Variants in PRICKLE1 observed in about 807,000 individuals in gnomAD.
The protein encoded by PRICKLE1 is prickle planar cell polarity protein 1, also known as prickle-like protein 1.
Under a neutral mutation model 70.2 loss-of-function variants are expected in PRICKLE1, and 14 were observed. The ratio of observed to expected loss-of-function variants is 0.20; its 90% CI spans 0.13 to 0.31. The LOEUF (loss-of-function observed/expected upper bound fraction) is 0.31, where lower values mean the gene tolerates loss of function less well. Among genes scored for constraint, PRICKLE1 ranks in the 10% least tolerant of loss-of-function variants. The probability of loss-of-function intolerance (pLI) is 1.00; values close to 1 mark genes in which losing one functional copy is unlikely to be tolerated. For synonymous variants in PRICKLE1, 357 were observed against 379.9 expected (o/e 0.94, Z 0.70); for missense variants, 821 against 1,026.2 (o/e 0.80, Z 2.73).
At chr12:42,482,601 A>G (rs2140155947) in intron 1 of PRICKLE1, among the ~76,000 whole-genome samples, 1 of 152,346 alleles carries the variant, frequency 6.6e-6, no homozygotes, top group South Asian at 2.1e-4. Flanking sequence ...TGAAACTTAC[A>G]GCACCCATTT....
At chr12:42,534,728 T>C (rs1262905306) in intron 1 of PRICKLE1, among the ~76,000 whole-genome samples, 3 of 152,094 alleles carry the variant, frequency 2.0e-5, no homozygotes, top group African/African-American at 7.2e-5. Context: ...TACACCCAGA[T>C]GTTCATTACC....
In PRICKLE1 at chr12:42,460,558, A is replaced by G. The variant is rs138079613; in HGVS notation, c.1747T>C (p.Leu583=). The change falls in exon 8 of 8, where the codon TTG becomes CTG. Residue 583 remains leucine (L), a synonymous_variant. Transcript: ENST00000345127. ...DCEKMSNMGT[L]NSSMLHRSAE... ...CTCCTGTGCAGCATGGAAGAGTTCA[A>G]AGTTCCCATATTGCTCATCTTCTCA... 6.2e-7 allele frequency: 1 copy of G among 1,613,996 alleles called. No homozygotes were observed. The highest frequency in any genetic ancestry group is 8.5e-7 in the Non-Finnish European group (1 of 1,180,042).
chr12:42,546,588 T>C (rs1171560210), intron 1 of PRICKLE1, among the ~76,000 whole-genome samples: 1 of 152,132 alleles, frequency 6.6e-6, no homozygotes, highest in East Asian at 1.9e-4. Context: ...ACCCTGTTTT[T>C]ACTAAAAATA....
chr12:42,495,147 T>C (rs1239811659), intron 1 of PRICKLE1, among the ~76,000 whole-genome samples: 1 of 151,672 alleles, frequency 6.6e-6, no homozygotes, highest in African/African-American at 2.4e-5. Flanking sequence ...GGTGGGTGGA[T>C]TACTTGAGTT....
chr12:42,535,181 T>C (rs1939996400), intron 1 of PRICKLE1, among the ~76,000 whole-genome samples: 1 of 152,116 alleles, frequency 6.6e-6, no homozygotes, highest in African/African-American at 2.4e-5. Flanking sequence ...TTGAGGAAGA[T>C]ACAAACTTAC....
intron 1 of PRICKLE1, among the ~76,000 whole-genome samples, chr12:42,506,761 CG>C: frequency 6.6e-6 from 1 of 151,334 alleles, no homozygotes; most frequent in East Asian, 1.9e-4. Context: ...TTAGTAGAGA[CG>C]GTGTTTCACC....
At chr12:42,575,309 C>T (rs1412430426) in intron 1 of PRICKLE1, among the ~76,000 whole-genome samples, 3 of 152,108 alleles carry the variant, frequency 2.0e-5, no homozygotes, top group African/African-American at 7.2e-5. Context: ...TAAAAGTTGT[C>T]ATAATTCATA....
At chr12:42,575,272 C>G (rs1235133460) in intron 1 of PRICKLE1, among the ~76,000 whole-genome samples, 5 of 152,022 alleles carry the variant, frequency 3.3e-5, no homozygotes, top group African/African-American at 1.2e-4. Flanking sequence ...AACCTTAAGG[C>G]CAGCCACAGA....
At chr12:42,470,712 C>G (rs2053946) in intron 2 of PRICKLE1, among the ~76,000 whole-genome samples, 49,524 of 151,934 alleles carry the variant, frequency 0.33, 8,525 homozygotes, top group Non-Finnish European at 0.38. Context: ...TCGAGACCAG[C>G]CTGACCAACA....
At chr12:42,496,222 G>C (rs571487462) in intron 1 of PRICKLE1, among the ~76,000 whole-genome samples, 21 of 152,350 alleles carry the variant, frequency 1.4e-4, no homozygotes, top group Admixed American at 3.9e-4. Context: ...GCTCCTGGGT[G>C]ACCAGGTACC....
chr12:42,550,069 A>G (rs1940286645), intron 1 of PRICKLE1: 1 of 152,226 alleles, frequency 6.6e-6, no homozygotes, highest in African/African-American at 2.4e-5. Context: ...CAGTATTGCT[A>G]TTGTTCACAA....
chr12:42,532,780 C>T (rs1460662348), intron 1 of PRICKLE1, among the ~76,000 whole-genome samples: 1 of 151,936 alleles, frequency 6.6e-6, no homozygotes. Context: ...GCCTGTAGTC[C>T]CAGCTACTCG....
chr12:42,482,491 C>T (rs767727973), intron 1 of PRICKLE1, among the ~76,000 whole-genome samples: 1 of 152,190 alleles, frequency 6.6e-6, no homozygotes, highest in Admixed American at 6.5e-5. Flanking sequence ...CTATTTTCAA[C>T]AGTGGCCCGA....
intron 1 of PRICKLE1, among the ~76,000 whole-genome samples, chr12:42,578,766 T>A (rs1040988692): frequency 6.6e-6 from 1 of 151,752 alleles, no homozygotes; most frequent in Admixed American, 6.6e-5. Context: ...TTTATTTATT[T>A]ATTTATTTAT....
At chr12:42,517,915 T>A (rs1939638646) in intron 1 of PRICKLE1, among the ~76,000 whole-genome samples, 1 of 151,950 alleles carries the variant, frequency 6.6e-6, no homozygotes, top group Admixed American at 6.6e-5. Flanking sequence ...TAGGCATGCA[T>A]TTATCGAGTT....
chr12:42,529,356 G>T (rs567645092), intron 1 of PRICKLE1, among the ~76,000 whole-genome samples: 12 of 152,314 alleles, frequency 7.9e-5, no homozygotes, highest in Non-Finnish European at 1.3e-4. Context: ...CAGGGTAAAA[G>T]AAATATAAAT....
At chr12:42,467,585 C>T (rs1464727012) in intron 5 of PRICKLE1, among the ~76,000 whole-genome samples, 4 of 144,618 alleles carry the variant, frequency 2.8e-5, no homozygotes. Context: ...ACTAAAAATA[C>T]AAAAAAAAAA....
chr12:42,493,841 G>C (rs1939147640), intron 1 of PRICKLE1, among the ~76,000 whole-genome samples: 2 of 141,868 alleles, frequency 1.4e-5, no homozygotes, highest in African/African-American at 5.3e-5. Context: ...CTGGGCAACA[G>C]AGTAAGACCG....
At position 42,563,210 on chromosome 12, in the gene PRICKLE1, A is replaced by G. The variant is rs1940549898; in HGVS notation, c.-49+26255T>C. ...AAAAAAAAAATTTTTTTTGAACAGG[A>G]CAATTTTATGGTTCTGGATAAAGAG... On this transcript the variant is annotated intron_variant, in intron 1 of 7. Coordinates refer to ENST00000345127, the MANE Select transcript of PRICKLE1 (RefSeq NM_153026.3). Among the ~76,000 whole-genome samples the G allele has an allele frequency of 2.0e-5, 3 of 151,990 alleles. No individual in the cohort carries two copies. In the South Asian group the frequency reaches 6.2e-4, roughly 32 times the overall value.
Sources: gnomAD v4.1 joint callset for allele counts (sites outside exome capture counted in the v4.1 genomes callset) on GRCh38, gnomAD v4.1.1 for gene constraint, MANE v1.5 for transcripts, NCBI Gene and HGNC (gene_info 2026-07-23, HGNC 2026-07-21) for gene names.